Variants in GRM7 observed in about 807,000 individuals in gnomAD.
The protein encoded by GRM7 is metabotropic glutamate receptor 7.
In GRM7, 35 loss-of-function variants were observed where a neutral mutation model predicts 84.5. That is an observed-to-expected ratio of 0.41 (90% confidence interval 0.32 to 0.55). The LOEUF (loss-of-function observed/expected upper bound fraction) is 0.55. Ranked by LOEUF, GRM7 falls within the 20% of genes least tolerant of loss-of-function variation. The pLI is 0.19. For missense variants in GRM7, 1,003 were observed against 1,194.6 expected (o/e 0.84, Z 2.36); for synonymous variants, 487 against 455.1 (o/e 1.07, Z -0.89).
chr3:7,487,890 C>G (rs1699382185), intron 7 of GRM7, among the ~76,000 whole-genome samples: 1 of 152,142 alleles, frequency 6.6e-6, no homozygotes, highest in Non-Finnish European at 1.5e-5. Context: ...CTGAGAAAAC[C>G]ACAGGCTCTA....
At chr3:7,498,300 C>T (rs545181789) in intron 7 of GRM7, among the ~76,000 whole-genome samples, 1 of 152,156 alleles carries the variant, frequency 6.6e-6, no homozygotes, top group South Asian at 2.1e-4. Context: ...ATGCATTTAC[C>T]CTACAGGGTT....
At position 7,680,209 on chromosome 3, in the gene GRM7, C is replaced by G. The variant is rs1347853623; in HGVS notation, c.2612C>G (p.Thr871Ser). ...RSFKAVVTAA[T>S]MSSRLSHKPS... ...TTCAAGGCGGTAGTCACAGCAGCCA[C>G]CATGTCATCGAGGCTGTCACACAAA... The change falls in exon 9 of 10, where the codon ACC becomes AGC. Residue 871 changes from threonine (T) to serine (S), a missense_variant. Physicochemically the swap from Thr to Ser is moderately conservative, Grantham distance 58. Transcript: ENST00000357716. 3 of 1,614,068 alleles carry G rather than the reference C, an allele frequency of 1.9e-6. No individual in the cohort carries two copies. Among genetic ancestry groups the G allele is most frequent in the Non-Finnish European group, 2.5e-6 (3 of 1,180,016 alleles).
intron 8 of GRM7, among the ~76,000 whole-genome samples, chr3:7,648,643 C>T (rs952129827): frequency 1.6e-4 from 24 of 146,062 alleles, no homozygotes; most frequent in Admixed American, 6.0e-4. Context: ...AGTGATACTC[C>T]GTCTCAAAAA....
At chr3:7,600,678 T>A (rs1696267059) in intron 8 of GRM7, among the ~76,000 whole-genome samples, 1 of 152,168 alleles carries the variant, frequency 6.6e-6, no homozygotes, top group South Asian at 2.1e-4. Flanking sequence ...GCCTTTAAAT[T>A]ACCTGTTAAA....
At chr3:7,655,019 G>T (rs77021067) in intron 8 of GRM7, among the ~76,000 whole-genome samples, 5 of 152,106 alleles carry the variant, frequency 3.3e-5, no homozygotes, top group Admixed American at 6.5e-5. Context: ...TCAATTGTCC[G>T]TGGTTCTAGT....
chr3:7,501,590 GA>G (rs1241654771), intron 7 of GRM7, among the ~76,000 whole-genome samples: 1 of 152,134 alleles, frequency 6.6e-6, no homozygotes, highest in African/African-American at 2.4e-5. Flanking sequence ...GATTGCAGCT[GA>G]TTCATCTAGA....
At chr3:7,140,723 G>A (rs1039383410) in intron 1 of GRM7, among the ~76,000 whole-genome samples, 1 of 151,976 alleles carries the variant, frequency 6.6e-6, no homozygotes, top group South Asian at 2.1e-4. Flanking sequence ...TCCTGAGGAA[G>A]TACGGTTCTG....
At chr3:7,037,757 C>T (rs1696436129) in intron 1 of GRM7, among the ~76,000 whole-genome samples, 2 of 152,068 alleles carry the variant, frequency 1.3e-5, no homozygotes, top group South Asian at 4.1e-4. Flanking sequence ...AGAAATAGAA[C>T]CTGTTACTGC....
intron 2 of GRM7, among the ~76,000 whole-genome samples, chr3:7,207,782 G>T (rs1248444892): frequency 2.0e-5 from 3 of 152,164 alleles, no homozygotes; most frequent in African/African-American, 7.2e-5. Flanking sequence ...AACACTACTA[G>T]CACAACTTTC....
intron 7 of GRM7, among the ~76,000 whole-genome samples, chr3:7,487,695 A>G (rs996623526): frequency 6.6e-6 from 1 of 152,200 alleles, no homozygotes; most frequent in East Asian, 1.9e-4. Context: ...GAGGCATAGC[A>G]CTTCTGTCCA....
chr3:7,665,387 G>C (rs1699654868), intron 8 of GRM7, among the ~76,000 whole-genome samples: 1 of 151,888 alleles, frequency 6.6e-6, no homozygotes, highest in East Asian at 1.9e-4. Context: ...GTGTTAGCCA[G>C]GATGGTCTCG....
intron 8 of GRM7, among the ~76,000 whole-genome samples, chr3:7,653,004 G>C (rs1699016862): frequency 6.6e-6 from 1 of 151,814 alleles, no homozygotes; most frequent in Non-Finnish European, 1.5e-5. Flanking sequence ...GGAATGTCCT[G>C]CTTCCAGCTC....
chr3:7,187,754 G>C (rs538472322), intron 2 of GRM7, among the ~76,000 whole-genome samples: 1 of 152,296 alleles, frequency 6.6e-6, no homozygotes, highest in South Asian at 2.1e-4. Context: ...CATTGACATG[G>C]AAAAGGGCAG....
At chr3:7,662,399 ATC>A (rs1699504560) in intron 8 of GRM7, among the ~76,000 whole-genome samples, 1 of 152,352 alleles carries the variant, frequency 6.6e-6, no homozygotes, top group South Asian at 2.1e-4. Context: ...GCTTCAACAA[ATC>A]TGTTTAAAAA....
At chr3:7,679,405 G>A (rs1700267756) in intron 8 of GRM7, among the ~76,000 whole-genome samples, 1 of 152,062 alleles carries the variant, frequency 6.6e-6, no homozygotes. Context: ...CCAGAATAAG[G>A]CGTTGCATCT....
chr3:7,438,209 T>A (rs1366241354), intron 5 of GRM7, among the ~76,000 whole-genome samples: 1 of 151,928 alleles, frequency 6.6e-6, no homozygotes, highest in East Asian at 1.9e-4. Flanking sequence ...AGGATAGACA[T>A]TGTGAGACCA....
intron 2 of GRM7, among the ~76,000 whole-genome samples, chr3:7,152,122 G>A (rs1346554787): frequency 6.6e-6 from 1 of 152,094 alleles, no homozygotes; most frequent in East Asian, 1.9e-4. Context: ...TAAACTGTAA[G>A]TTCCTCAAGA....
chr3:7,234,590 G>C (rs531960762), intron 2 of GRM7, among the ~76,000 whole-genome samples: 1 of 152,288 alleles, frequency 6.6e-6, no homozygotes, highest in South Asian at 2.1e-4. Flanking sequence ...TCTTACATAA[G>C]AAGTGGTTCT....
In GRM7 at chr3:7,452,631, C is replaced by T; in HGVS notation, c.1199C>T (p.Ser400Phe). The T allele has an allele frequency of 6.2e-7, 1 of 1,610,988 alleles. No homozygotes were observed. The highest frequency in any genetic ancestry group is 8.5e-7 in the Non-Finnish European group (1 of 1,177,544). The part of the protein sequence containing the change: ...CTGQERIGKD[S>F]NYEQEGKVQF... The stretch of plus-strand genomic sequence containing the variant: ...GGACAGGAGAGAATTGGAAAAGATT[C>T]CAACTATGAGCAGGAGGGTAAAGTC... Residue 400 changes from serine (S) to phenylalanine (F), a missense_variant, in exon 6 of 10, where the codon TCC becomes TTC. This residue lies in a region of GRM7 where 910 missense variants were observed against 1,126.0 expected (regional missense o/e 0.81). Transcript: ENST00000357716.
Sources: gnomAD v4.1 joint callset for allele counts (sites outside exome capture counted in the v4.1 genomes callset) on GRCh38, gnomAD v4.1.1 for gene constraint, gnomAD v4.1.1 regional missense constraint, MANE v1.5 for transcripts, NCBI Gene and HGNC (gene_info 2026-07-23, HGNC 2026-07-21) for gene names.